The following UHRF1 variants were observed in gnomAD, a reference collection of about 807,000 sequenced individuals.
UHRF1 encodes ubiquitin like with PHD and ring finger domains 1, also known as E3 ubiquitin-protein ligase UHRF1.
UHRF1 carries 9 observed loss-of-function variants against 96.5 expected under a neutral mutation model. The observed-to-expected ratio is 0.09, with a 90% confidence interval of 0.06 to 0.16. The LOEUF (loss-of-function observed/expected upper bound fraction) is 0.16, where lower values mean the gene tolerates loss of function less well. UHRF1 is among the 10% of genes least tolerant of loss of function. UHRF1 has a pLI of 1.00. For synonymous variants in UHRF1, 455 were observed against 469.9 expected (o/e 0.97, Z 0.41); for missense variants, 626 against 1,131.1 (o/e 0.55, Z 6.40).
upstream of UHRF1, chr19:4,909,476 G>C: frequency 1.5e-6 from 1 of 652,738 alleles, no homozygotes. Flanking sequence ...ACTCCCAAAT[G>C]CCGAGTTTTC....
rs1457104837 is a variant in UHRF1, at chr19:4,930,472, G to A, written c.409-244G>A. Among the ~76,000 whole-genome samples the A allele has an allele frequency of 6.6e-6, 1 of 152,246 alleles. No individual in the cohort carries two copies. Among genetic ancestry groups the A allele is most frequent in the African/African-American group, 2.4e-5 (1 of 41,474 alleles). On this transcript the variant is annotated intron_variant, in intron 3 of 16. Coordinates refer to ENST00000650932, the MANE Select transcript of UHRF1 (RefSeq NM_001048201.3). The surrounding 1 kb of genome is among the most constrained non-coding windows in gnomAD (Gnocchi z 4.4). Reference sequence around the variant, plus strand: ...CTCTCAGGGCCTCCCAGCAGCTGTGGCTGAAGCAGAGCCGCAGGGGCCTTT... The same window carrying A: ...CTCTCAGGGCCTCCCAGCAGCTGTGACTGAAGCAGAGCCGCAGGGGCCTTT...
chr19:4,941,970 C>A, intron 7 of UHRF1, 39 bp downstream of exon 7: 3 of 1,442,736 alleles, frequency 2.1e-6, no homozygotes, highest in South Asian at 1.5e-5. Flanking sequence ...GACCAGAGCG[C>A]CCCCTACAAA....
upstream of UHRF1, among the ~76,000 whole-genome samples, chr19:4,908,067 C>T (rs146314494): frequency 2.1e-3 from 321 of 152,278 alleles, 2 homozygotes; most frequent in Non-Finnish European, 2.2e-3. Context: ...TTGACTTTGA[C>T]CTTTTGTATC....
In UHRF1 at chr19:4,954,109, C is replaced by G. The variant is rs990709774; in HGVS notation, c.1819-241C>G. Among the ~76,000 whole-genome samples the G allele has an allele frequency of 6.6e-6, 1 of 152,150 alleles. No homozygotes were observed. The highest frequency in any genetic ancestry group is 2.1e-4 in the South Asian group (1 of 4,834). ...GCCTCTAGACGTTGGACACTTAGAA[C>G]AGTGTGCAGTTTACAACTTAGGAAT... On this transcript the variant is annotated intron_variant, in intron 13 of 16. Coordinates refer to ENST00000650932, the MANE Select transcript of UHRF1 (RefSeq NM_001048201.3). This position sits in a 1 kb window ranked among gnomAD's most constrained non-coding sequence, Gnocchi z 5.9.
chr19:4,936,429 T>G (rs1219138853), intron 5 of UHRF1, among the ~76,000 whole-genome samples: 1 of 151,952 alleles, frequency 6.6e-6, no homozygotes, highest in Non-Finnish European at 1.5e-5. Flanking sequence ...CGAGGATGGG[T>G]GGCAGAGATG....
intron 16 of UHRF1, among the ~76,000 whole-genome samples, chr19:4,958,377 C>G (rs1167576232): frequency 1.3e-5 from 2 of 152,194 alleles, no homozygotes; most frequent in Admixed American, 1.3e-4. Context: ...CCCGGCTTAG[C>G]CTCTGGCAGG....
chr19:4,949,473 GACACACACACACAC>G (rs10580944), intron 11 of UHRF1, among the ~76,000 whole-genome samples: 7 of 147,740 alleles, frequency 4.7e-5, no homozygotes, highest in Admixed American at 3.4e-4. Context: ...TTGGCACATA[GACACACACACACAC>G]ACACACACAC....
intron 5 of UHRF1, among the ~76,000 whole-genome samples, chr19:4,941,183 C>T (rs769238080): frequency 1.8e-4 from 26 of 143,540 alleles, no homozygotes; most frequent in Non-Finnish European, 2.7e-4. Flanking sequence ...CTCTGCCTCC[C>T]GGGTTCAAGT....
Position 4,950,651 on chromosome 19 carries a change from G to C in UHRF1, c.1558G>C (p.Glu520Gln), listed in dbSNP as rs1395680800. ...CTGCTTTGCTCCCATCAATGACCAA[G>C]AAGGGGCCGAGGCCAAGGACTGGCG... Reference protein sequence around the residue: ...LNCFAPINDQEGAEAKDWRSG... With the variant: ...LNCFAPINDQQGAEAKDWRSG... The change falls in exon 12 of 17, where the codon GAA becomes CAA. Residue 520 changes from glutamate to glutamine, a missense_variant. Around this residue, in one of 11 missense-constraint regions of UHRF1, gnomAD observed 61 missense variants for 199.2 expected, o/e 0.31. Coordinates refer to ENST00000650932, the MANE Select transcript of UHRF1 (RefSeq NM_001048201.3). 1.2e-5 allele frequency: 19 copies of C among 1,612,656 alleles called. No homozygotes were observed. The highest frequency in any genetic ancestry group is 1.4e-5 in the Non-Finnish European group (16 of 1,179,634).
chr19:4,943,638 G>T (rs2033475822), intron 7 of UHRF1, among the ~76,000 whole-genome samples: 1 of 151,890 alleles, frequency 6.6e-6, no homozygotes, highest in African/African-American at 2.4e-5. Context: ...TCCGTGGAAG[G>T]CCAACAGAGA....
At chr19:4,905,799 G>A (rs982836592), upstream of UHRF1, among the ~76,000 whole-genome samples, 2 of 152,192 alleles carry the variant, frequency 1.3e-5, no homozygotes, top group African/African-American at 4.8e-5. Flanking sequence ...TTACAGGCGT[G>A]AGCCACTGTG....
intron 16 of UHRF1, 72 bp from the exon 17 acceptor site, chr19:4,960,585 C>T: frequency 6.4e-7 from 1 of 1,569,522 alleles, no homozygotes. Context: ...TCCCCACAGT[C>T]CTGGGAGAGG....
chr19:4,954,169 G>T lies in UHRF1; in HGVS notation c.1819-181G>T, dbSNP rs967875427. Among the ~76,000 whole-genome samples, 8 of 152,260 alleles carry T rather than the reference G, an allele frequency of 5.3e-5. No homozygotes were observed. Among genetic ancestry groups the T allele is most frequent in the African/African-American group, 1.9e-4 (8 of 41,540 alleles). On this transcript the variant is annotated intron_variant, in intron 13 of 16. Transcript: ENST00000650932. The surrounding 1 kb of genome is among the most constrained non-coding windows in gnomAD (Gnocchi z 5.9). ...AATATTTCATGTAACATTTTCAGTT[G>T]ACTTTGGGTCACTGAAACCTCAGCA...
At chr19:4,927,034 C>G (rs566242951) in intron 2 of UHRF1, among the ~76,000 whole-genome samples, 2 of 152,110 alleles carry the variant, frequency 1.3e-5, no homozygotes, top group African/African-American at 4.8e-5. Context: ...GCACTCCAGC[C>G]TGGGCGACAG....
upstream of UHRF1, among the ~76,000 whole-genome samples, chr19:4,908,932 C>T (rs1443877376): frequency 6.6e-6 from 1 of 152,034 alleles, no homozygotes; most frequent in African/African-American, 2.4e-5. Flanking sequence ...GGCAGGGCAG[C>T]CCTGCCCGCC....
At position 4,961,932 on chromosome 19, in the gene UHRF1, A is replaced by G. The variant is rs1277201899; in HGVS notation, c.*1129A>G. ...AGGGTTTGTTAATTTTTCTAATTTT[A>G]CCAAAGTTTGCAGCCTATACCTCAA... is the stretch of plus-strand genomic sequence containing the variant. On this transcript the variant is annotated 3_prime_UTR_variant, in exon 17 of 17. Transcript: ENST00000650932. The G allele has an allele frequency of 6.6e-6, 1 of 151,038 alleles. No individual in the cohort carries two copies. Among genetic ancestry groups the G allele is most frequent in the Non-Finnish European group, 1.5e-5 (1 of 67,712 alleles). The allele number at this position is 151,038 out of a possible 1,614,324, so 9.4% of individuals were successfully genotyped here. A position where few individuals can be genotyped will look rare whatever the true frequency, so the allele number is the denominator to read the frequency against.
intron 5 of UHRF1, 62 bp from the exon 6 acceptor site, chr19:4,941,466 G>A: frequency 7.4e-7 from 1 of 1,348,984 alleles, no homozygotes; most frequent in East Asian, 2.4e-5. Context: ...GTGTTCAAGT[G>A]CTGTGAGTAG....
intron 4 of UHRF1, among the ~76,000 whole-genome samples, chr19:4,931,641 G>A (rs2033056026): frequency 6.7e-6 from 1 of 149,858 alleles, no homozygotes; most frequent in African/African-American, 2.5e-5. Flanking sequence ...GCTAATTTTT[G>A]TATTTTCAGA....
chr19:4,941,661 G>A (rs777423540), intron 6 of UHRF1, 33 bp downstream of exon 6: 7 of 1,600,094 alleles, frequency 4.4e-6, no homozygotes, highest in Non-Finnish European at 6.0e-6. Context: ...CCCATCTTCC[G>A]CGGTGGGCAC....
Sources: allele counts gnomAD v4.1 joint callset (sites outside exome capture counted in the v4.1 genomes callset), GRCh38; gene constraint gnomAD v4.1.1; regional missense constraint gnomAD v4.1.1; non-coding constraint Gnocchi (gnomAD v3.1); transcripts MANE v1.5; gene names NCBI Gene and HGNC (gene_info 2026-07-23, HGNC 2026-07-21).